The following GABRG1 variants were observed in gnomAD, a reference collection of about 807,000 sequenced individuals.
GABRG1 encodes gamma-aminobutyric acid type A receptor subunit gamma1.
GABRG1 carries 49 observed loss-of-function variants against 49.8 expected under a neutral mutation model. The observed-to-expected ratio is 0.98, with a 90% confidence interval of 0.78 to 1.25. The LOEUF (loss-of-function observed/expected upper bound fraction) is 1.25. GABRG1 is among the 50% of genes most tolerant of loss of function. The probability of loss-of-function intolerance (pLI) is 0.00; values close to 1 mark genes in which losing one functional copy is unlikely to be tolerated. For synonymous variants in GABRG1, 232 were observed against 185.1 expected (o/e 1.25, Z -2.06); for missense variants, 552 against 552.3 (o/e 1.00, Z 0.01).
intron 3 of GABRG1, among the ~76,000 whole-genome samples, chr4:46,067,710 G>A (rs1718970518): frequency 6.6e-6 from 1 of 152,100 alleles, no homozygotes; most frequent in Non-Finnish European, 1.5e-5. Flanking sequence ...TTATAAATCT[G>A]ATAGCCACAC....
chr4:46,122,831 A>C (rs1048049699), intron 1 of GABRG1, among the ~76,000 whole-genome samples: 81 of 152,130 alleles, frequency 5.3e-4, no homozygotes, highest in Non-Finnish European at 1.0e-3. Flanking sequence ...GTAATGATAA[A>C]AGTACATTTA....
At chr4:46,105,875 C>T (rs1242855580) in intron 1 of GABRG1, among the ~76,000 whole-genome samples, 2 of 151,282 alleles carry the variant, frequency 1.3e-5, no homozygotes, top group Non-Finnish European at 3.0e-5. Flanking sequence ...ATGCACTTTC[C>T]TTTGTATTGA....
At chr4:46,047,494 C>T (rs1380315739) in intron 8 of GABRG1, among the ~76,000 whole-genome samples, 2 of 152,080 alleles carry the variant, frequency 1.3e-5, no homozygotes, top group Non-Finnish European at 2.9e-5. Context: ...ACAAGGTTCT[C>T]TTCAACACTG....
At chr4:46,115,433 C>A (rs1052199433) in intron 1 of GABRG1, among the ~76,000 whole-genome samples, 2 of 150,524 alleles carry the variant, frequency 1.3e-5, no homozygotes, top group Admixed American at 6.6e-5. Context: ...GTTATATATA[C>A]CATGGCATTA....
chr4:46,086,717 T>C (rs1719769555), intron 2 of GABRG1, among the ~76,000 whole-genome samples: 1 of 151,614 alleles, frequency 6.6e-6, no homozygotes, highest in Non-Finnish European at 1.5e-5. Context: ...AAGTATATTA[T>C]TGTTTGTAAA....
intron 1 of GABRG1, among the ~76,000 whole-genome samples, chr4:46,104,062 C>T (rs1720461095): frequency 3.3e-5 from 5 of 151,248 alleles, no homozygotes; most frequent in Admixed American, 3.3e-4. Flanking sequence ...AATAAGGAAA[C>T]TGGAGTTCTA....
At chr4:46,043,398 G>T (rs1342524639) in intron 8 of GABRG1, among the ~76,000 whole-genome samples, 1 of 151,800 alleles carries the variant, frequency 6.6e-6, no homozygotes, top group Non-Finnish European at 1.5e-5. Context: ...TCAAGTTCAT[G>T]AATTGAAAGA....
chr4:46,110,462 A>G (rs1036981401), intron 1 of GABRG1, among the ~76,000 whole-genome samples: 4 of 150,546 alleles, frequency 2.7e-5, no homozygotes, highest in African/African-American at 9.7e-5. Flanking sequence ...AATCTATCCA[A>G]CCTGCCACTC....
At chr4:46,122,829 A>G (rs578235330) in intron 1 of GABRG1, among the ~76,000 whole-genome samples, 3 of 152,086 alleles carry the variant, frequency 2.0e-5, no homozygotes, top group Non-Finnish European at 4.4e-5. Context: ...ATGTAATGAT[A>G]AAAGTACATT....
intron 1 of GABRG1, among the ~76,000 whole-genome samples, chr4:46,097,640 A>G (rs566656884): frequency 4.0e-5 from 6 of 151,682 alleles, no homozygotes; most frequent in Non-Finnish European, 8.9e-5. Flanking sequence ...CCACCAAAAT[A>G]TGACTGGTGT....
intron 2 of GABRG1, among the ~76,000 whole-genome samples, chr4:46,092,495 G>C (rs1022736200): frequency 6.6e-6 from 1 of 151,740 alleles, no homozygotes; most frequent in Non-Finnish European, 1.5e-5. Flanking sequence ...AATATTTAAT[G>C]AATTCAAAAA....
chr4:46,040,811 T>G lies in GABRG1; in HGVS notation c.*177A>C, dbSNP rs1717741583. 4 of 550,790 alleles carry G rather than the reference T, an allele frequency of 7.3e-6. No homozygotes were observed. Among genetic ancestry groups the G allele is most frequent in the Non-Finnish European group, 3.0e-6 (1 of 333,512 alleles). The allele number at this position is 550,790 out of a possible 1,614,324, so 34.1% of individuals were successfully genotyped here. On this transcript the variant is annotated 3_prime_UTR_variant, in exon 9 of 9. Transcript: ENST00000295452. Reference sequence around the variant, plus strand: ...TTGCAACTAATCAGTTTCACGTAAATTAGCCTGAAAGCTGCTACTTTATTT... The same window carrying G: ...TTGCAACTAATCAGTTTCACGTAAAGTAGCCTGAAAGCTGCTACTTTATTT...
rs949236086 is a variant in GABRG1, at chr4:46,039,221, C to A, written c.*1767G>T. The A allele has an allele frequency of 1.3e-5, 2 of 150,782 alleles. No individual in the cohort carries two copies. Among genetic ancestry groups the A allele is most frequent in the Admixed American group, 1.3e-4 (2 of 15,088 alleles). 9.3% of individuals were successfully genotyped at this position (150,782 alleles called of 1,614,324 possible). ...AATCTGTAAATGAATATATAGATGGCCAAAGTTTAGTTTGGCTGTTCATTC... is the reference window on the plus strand; with the variant it reads ...AATCTGTAAATGAATATATAGATGGACAAAGTTTAGTTTGGCTGTTCATTC... On this transcript the variant is annotated 3_prime_UTR_variant, in exon 9 of 9. Coordinates refer to ENST00000295452, the MANE Select transcript of GABRG1 (RefSeq NM_173536.4).
chr4:46,099,153 C>T (rs1241957674), intron 1 of GABRG1, among the ~76,000 whole-genome samples: 2 of 151,662 alleles, frequency 1.3e-5, no homozygotes, highest in Admixed American at 1.3e-4. Context: ...ACCCTACTAA[C>T]TTTTAACTTG....
intron 3 of GABRG1, among the ~76,000 whole-genome samples, chr4:46,072,125 C>T (rs1279303617): frequency 6.6e-6 from 1 of 151,990 alleles, no homozygotes; most frequent in Non-Finnish European, 1.5e-5. Context: ...TTTAGATATG[C>T]AAATGCTTAT....
At chr4:46,100,531 T>C (rs1391466734) in intron 1 of GABRG1, among the ~76,000 whole-genome samples, 1 of 151,494 alleles carries the variant, frequency 6.6e-6, no homozygotes, top group East Asian at 2.0e-4. Context: ...TTCTGGAATG[T>C]TTTATTTCCT....
intron 5 of GABRG1, among the ~76,000 whole-genome samples, chr4:46,062,584 G>T (rs891144485): frequency 6.6e-6 from 1 of 152,134 alleles, no homozygotes; most frequent in Non-Finnish European, 1.5e-5. Flanking sequence ...GGTGTGAGAT[G>T]GTATCACATT....
At chr4:46,057,115 T>C (rs1262027639) in intron 7 of GABRG1, among the ~76,000 whole-genome samples, 1 of 152,056 alleles carries the variant, frequency 6.6e-6, no homozygotes, top group Non-Finnish European at 1.5e-5. Context: ...ACAAAGAAAC[T>C]CAAATAATTT....
chr4:46,056,141 AT>A (rs1718423283), intron 7 of GABRG1, among the ~76,000 whole-genome samples: 52 of 22,558 alleles, frequency 2.3e-3, no homozygotes, highest in Middle Eastern at 0.026. Context: ...AAAAAAATAA[AT>A]AAATAAATTA....
Sources: gnomAD v4.1 joint callset for allele counts (sites outside exome capture counted in the v4.1 genomes callset) on GRCh38, gnomAD v4.1.1 for gene constraint, MANE v1.5 for transcripts, NCBI Gene and HGNC (gene_info 2026-07-23, HGNC 2026-07-21) for gene names.